Variants in GLIS3 observed in about 807,000 individuals in gnomAD.
GLIS3 encodes the protein GLIS family zinc finger 3.
Under a neutral mutation model 78.6 loss-of-function variants are expected in GLIS3, and 53 were observed. That is an observed-to-expected ratio of 0.67 (90% CI 0.54 to 0.85). The LOEUF (loss-of-function observed/expected upper bound fraction) is 0.85, where lower values mean the gene tolerates loss of function less well. Ranked by LOEUF, GLIS3 falls within the 40% of genes least tolerant of loss-of-function variation. GLIS3 has a pLI of 0.00. For synonymous variants in GLIS3, 684 were observed against 509.9 expected (o/e 1.34, Z -4.60); for missense variants, 1,703 against 1,231.1 (o/e 1.38, Z -5.74).
chr9:3,968,163 T>C (rs1275913842), intron 4 of GLIS3, among the ~76,000 whole-genome samples: 1 of 152,182 alleles, frequency 6.6e-6, no homozygotes, highest in Non-Finnish European at 1.5e-5. Flanking sequence ...TTGTCACTAG[T>C]CTAAGGGGGT....
At chr9:4,438,572 G>A in the GLIS3 span, among the ~76,000 whole-genome samples, 1 of 152,136 alleles carries the variant, frequency 6.6e-6, no homozygotes, top group Non-Finnish European at 1.5e-5. Flanking sequence ...TCATTACTTT[G>A]CATGTTGACA....
chr9:4,377,676 G>C, the GLIS3 span, among the ~76,000 whole-genome samples: 88 of 152,148 alleles, frequency 5.8e-4, 1 homozygote, highest in East Asian at 0.016. Flanking sequence ...AATATGGCTG[G>C]TTTTACATTA....
At chr9:4,124,496 C>T (rs904087313) in intron 3 of GLIS3, among the ~76,000 whole-genome samples, 15 of 152,202 alleles carry the variant, frequency 9.9e-5, no homozygotes, top group African/African-American at 2.7e-4. Flanking sequence ...ACACCCACCC[C>T]ATGAGCACAG....
intron 4 of GLIS3, among the ~76,000 whole-genome samples, chr9:4,025,089 A>G (rs186857401): frequency 7.9e-5 from 12 of 152,120 alleles, no homozygotes; most frequent in Non-Finnish European, 4.4e-5. Flanking sequence ...CATCTCTACT[A>G]AAAATACAAA....
intron 4 of GLIS3, among the ~76,000 whole-genome samples, chr9:3,966,143 T>C (rs1817918349): frequency 6.6e-6 from 1 of 152,250 alleles, no homozygotes; most frequent in South Asian, 2.1e-4. Flanking sequence ...TTCACCTTAT[T>C]GGAAACTGAT....
At chr9:3,836,719 G>T (rs1818373740) in intron 9 of GLIS3, among the ~76,000 whole-genome samples, 1 of 152,170 alleles carries the variant, frequency 6.6e-6, no homozygotes, top group Non-Finnish European at 1.5e-5. Context: ...CTAAGACCCA[G>T]CAAGACGAGA....
intron 9 of GLIS3, among the ~76,000 whole-genome samples, chr9:3,849,513 C>T (rs999819419): frequency 6.6e-6 from 1 of 152,152 alleles, no homozygotes; most frequent in Non-Finnish European, 1.5e-5. Flanking sequence ...ATGGAAGCCA[C>T]CTGTTAACAA....
At chr9:4,248,555 T>A (rs950983125) in intron 2 of GLIS3, among the ~76,000 whole-genome samples, 3 of 152,220 alleles carry the variant, frequency 2.0e-5, no homozygotes, top group African/African-American at 7.2e-5. Flanking sequence ...AATATATGTG[T>A]GCATGTGTCT....
intron 1 of GLIS3, chr9:4,298,515 T>G (rs1485698064): frequency 6.9e-6 from 3 of 434,168 alleles, no homozygotes; most frequent in Admixed American, 2.5e-5. Context: ...GGGCAAGGTG[T>G]GTGTCTAGGA....
chr9:4,013,619 G>A (rs995608965), intron 4 of GLIS3, among the ~76,000 whole-genome samples: 4 of 152,190 alleles, frequency 2.6e-5, no homozygotes, highest in Non-Finnish European at 5.9e-5. Flanking sequence ...GTAGAACACA[G>A]GAGGGCTCAA....
At chr9:4,041,422 A>C (rs956879588) in intron 4 of GLIS3, among the ~76,000 whole-genome samples, 1 of 152,052 alleles carries the variant, frequency 6.6e-6, no homozygotes, top group Admixed American at 6.6e-5. Context: ...CAACTATCTC[A>C]ATCTGTTTTA....
chr9:4,183,035 C>G (rs892369020), intron 2 of GLIS3, among the ~76,000 whole-genome samples: 11 of 152,190 alleles, frequency 7.2e-5, no homozygotes, highest in African/African-American at 2.7e-4. Context: ...GTAGCTGACA[C>G]AGATAGTGGT....
intron 8 of GLIS3, among the ~76,000 whole-genome samples, chr9:3,871,689 C>A (rs1310284002): frequency 6.6e-6 from 1 of 152,202 alleles, no homozygotes; most frequent in East Asian, 1.9e-4. Flanking sequence ...AGGCTGCACA[C>A]AGCACAGGGA....
At chr9:3,865,038 T>C (rs1820480289) in intron 8 of GLIS3, among the ~76,000 whole-genome samples, 1 of 152,150 alleles carries the variant, frequency 6.6e-6, no homozygotes, top group African/African-American at 2.4e-5. Context: ...GGATATTATA[T>C]TTGCACAGCT....
chr9:4,000,134 T>C (rs1363081847), intron 4 of GLIS3, among the ~76,000 whole-genome samples: 1 of 152,158 alleles, frequency 6.6e-6, no homozygotes, highest in Non-Finnish European at 1.5e-5. Flanking sequence ...TTGACAAATA[T>C]TCCAAAGCTG....
At chr9:4,429,660 T>A in the GLIS3 span, among the ~76,000 whole-genome samples, 1 of 152,148 alleles carries the variant, frequency 6.6e-6, no homozygotes, top group Admixed American at 6.5e-5. Flanking sequence ...CCAGTAGCAC[T>A]GCAAGGTTCA....
intron 2 of GLIS3, among the ~76,000 whole-genome samples, chr9:4,159,370 G>C (rs1229770398): frequency 6.6e-6 from 1 of 152,126 alleles, no homozygotes; most frequent in Admixed American, 6.6e-5. Context: ...AAAGTTAATA[G>C]ACCATAGGCT....
chr9:4,197,550 G>C (rs1169758285), intron 2 of GLIS3, among the ~76,000 whole-genome samples: 2 of 152,158 alleles, frequency 1.3e-5, no homozygotes, highest in African/African-American at 4.8e-5. Context: ...TGGGCATTTG[G>C]TGTCCGCCCA....
chr9:4,157,518 G>A (rs559623434), intron 2 of GLIS3, among the ~76,000 whole-genome samples: 1 of 152,068 alleles, frequency 6.6e-6, no homozygotes, highest in Admixed American at 6.6e-5. Context: ...TTTAGTACCA[G>A]GGAACGATCT....
Sources: allele counts gnomAD v4.1 joint callset (sites outside exome capture counted in the v4.1 genomes callset), GRCh38; gene constraint gnomAD v4.1.1; transcripts MANE v1.5; gene names NCBI Gene and HGNC (gene_info 2026-07-23, HGNC 2026-07-21).